ATP2B2: variants seen among roughly 807,000 people sequenced by gnomAD.
The protein encoded by ATP2B2 is plasma membrane calcium-transporting ATPase 2.
In ATP2B2, 15 loss-of-function variants were observed where a neutral mutation model predicts 120.0. The ratio of observed to expected loss-of-function variants is 0.12; its 90% CI spans 0.08 to 0.19. The LOEUF is 0.19. Among genes scored for constraint, ATP2B2 ranks in the 10% least tolerant of loss-of-function variants. The pLI, the probability that ATP2B2 is intolerant of heterozygous loss-of-function variation, is 1.00. For missense variants in ATP2B2, 1,045 were observed against 1,719.8 expected, an observed-to-expected ratio of 0.61 and a Z score of 6.94; for synonymous variants, 694 against 700.3, an observed-to-expected ratio of 0.99 and a Z score of 0.14.
At chr3:10,616,480 C>A (rs942154647) in intron 2 of ATP2B2, among the ~76,000 whole-genome samples, 1 of 152,178 alleles carries the variant, frequency 6.6e-6, no homozygotes, top group Non-Finnish European at 1.5e-5. Context: ...GTCTGTGGCA[C>A]TTTGTTATGG....
At chr3:10,543,481 G>A (rs1446859502) in intron 2 of ATP2B2, among the ~76,000 whole-genome samples, 1 of 152,114 alleles carries the variant, frequency 6.6e-6, no homozygotes, top group Non-Finnish European at 1.5e-5. Context: ...ATGCAGATGT[G>A]AATAGGAATC....
chr3:10,672,347 C>G (rs1176076363), intron 1 of ATP2B2, among the ~76,000 whole-genome samples: 1 of 152,214 alleles, frequency 6.6e-6, no homozygotes, highest in African/African-American at 2.4e-5. Context: ...CCCTTTATTT[C>G]TGTCATCCTG....
intron 5 of ATP2B2, among the ~76,000 whole-genome samples, chr3:10,396,947 T>C (rs150763043): frequency 6.6e-6 from 1 of 152,110 alleles, no homozygotes; most frequent in Non-Finnish European, 1.5e-5. Context: ...ACCCAAGGAA[T>C]GGGGAAGGGA....
rs768204746 is a variant in ATP2B2 at position 10,360,096 on chromosome 3, G to A, written c.1687C>T (p.Arg563Trp). ...LPPEKEGALP[R>W]QVGNKTECGL... ...CACTCCGTCTTGTTGCCCACCTGCC[G>A]AGGCAGGGCGCCCTCCTTCTCTGGG... Residue 563 changes from arginine to tryptophan, a missense_variant, in exon 13 of 23, where the codon CGG (arginine) becomes TGG (tryptophan). This residue lies in a region of ATP2B2 where 343 missense variants were observed against 536.8 expected (regional missense o/e 0.64). Coordinates refer to ENST00000360273, the MANE Select transcript of ATP2B2 (RefSeq NM_001001331.4). 1.9e-5 allele frequency: 31 copies of A among 1,601,440 alleles called. No homozygotes were observed. The highest frequency in any genetic ancestry group is 2.7e-5 in the African/African-American group (2 of 74,724).
chr3:10,699,599 A>G (rs116555790), intron 1 of ATP2B2, among the ~76,000 whole-genome samples: 1,591 of 152,256 alleles, frequency 0.01, 27 homozygotes, highest in African/African-American at 0.036. Flanking sequence ...TAATCATTAT[A>G]TAACATCTCT....
At chr3:10,474,356 T>C (rs2065127377) in intron 1 of ATP2B2, among the ~76,000 whole-genome samples, 1 of 151,936 alleles carries the variant, frequency 6.6e-6, no homozygotes, top group African/African-American at 2.4e-5. Context: ...GATGCATGAG[T>C]TGGGAGCTCA....
rs567140339 is a variant in ATP2B2 at position 10,622,674 on chromosome 3, C to T, written c.-459-2713G>A. Among the ~76,000 whole-genome samples the T allele has an allele frequency of 3.3e-5, 5 of 152,330 alleles. No homozygotes were observed. In the South Asian group the frequency reaches 6.2e-4, roughly 19 times the overall value. Reference sequence around the variant, plus strand: ...AAATTGCAGGTGACCGCACTTCTCACCCTGGATCCTCTTACAGTCAACCAG... The same window carrying T: ...AAATTGCAGGTGACCGCACTTCTCATCCTGGATCCTCTTACAGTCAACCAG... On this transcript the variant is annotated intron_variant, in intron 1 of 21. Transcript: ENST00000646379.
chr3:10,704,809 A>G (rs2125722439), intron 1 of ATP2B2, among the ~76,000 whole-genome samples: 1 of 152,352 alleles, frequency 6.6e-6, no homozygotes. Context: ...CAGTTTTATT[A>G]CTCTGCAACA....
intron 1 of ATP2B2, among the ~76,000 whole-genome samples, chr3:10,689,786 G>C (rs59340228): frequency 6.6e-6 from 1 of 152,326 alleles, no homozygotes; most frequent in African/African-American, 2.4e-5. Flanking sequence ...TGGTGGATGT[G>C]AGTCTCCGAC....
At chr3:10,601,290 G>A (rs897586954) in intron 2 of ATP2B2, among the ~76,000 whole-genome samples, 3 of 152,148 alleles carry the variant, frequency 2.0e-5, no homozygotes, top group Admixed American at 6.5e-5. Context: ...AGTCCAGTTC[G>A]GTCATACCCT....
chr3:10,496,957 T>C (rs1174439327), intron 1 of ATP2B2, among the ~76,000 whole-genome samples: 1 of 152,346 alleles, frequency 6.6e-6, no homozygotes, highest in East Asian at 1.9e-4. Flanking sequence ...TTTTGCTGTC[T>C]CCAGGAGGGA....
intron 1 of ATP2B2, among the ~76,000 whole-genome samples, chr3:10,494,276 T>G (rs747906168): frequency 6.6e-6 from 1 of 152,168 alleles, no homozygotes; most frequent in African/African-American, 2.4e-5. Flanking sequence ...TTCATAGAGA[T>G]TCCCTTGCAT....
Position 10,628,568 on chromosome 3 carries a change from A to C in ATP2B2, c.-459-8607T>G, listed in dbSNP as rs543482261. ...ACGCAGGACATGTAGTAGGGCGTCC[A>C]TGCAATAGTGAAAGTGATGGCATTC... is the stretch of plus-strand genomic sequence containing the variant. On this transcript the variant is annotated intron_variant, in intron 1 of 21. Coordinates refer to the ATP2B2 transcript ENST00000646379. 5.4e-4 allele frequency among the ~76,000 whole-genome samples: 83 copies of C among 152,336 alleles called. 1 individual carries two copies. The highest frequency in any genetic ancestry group is 1.3e-3 in the African/African-American group (56 of 41,576).
chr3:10,400,923 G>A (rs947488604), intron 5 of ATP2B2, 30 bp downstream of exon 5: 1 of 1,613,624 alleles, frequency 6.2e-7, no homozygotes, highest in Non-Finnish European at 8.5e-7. Context: ...ATGGCGACGG[G>A]AATGGGCCCA....
rs1399236160 is a variant in ATP2B2 at position 10,335,003 on chromosome 3, G to A, written c.3420+3173C>T. 2.6e-5 allele frequency among the ~76,000 whole-genome samples: 4 copies of A among 152,346 alleles called. No individual in the cohort carries two copies. In the South Asian group the frequency reaches 8.3e-4, roughly 32 times the overall value. On this transcript the variant is annotated intron_variant, in intron 22 of 22. Coordinates refer to ENST00000360273, the MANE Select transcript of ATP2B2 (RefSeq NM_001001331.4). Reference sequence around the variant, plus strand: ...AGCGCCTGACTGGAAACATAGCAGGGCGATGGGAGGAAAGACAGACTTGTT... The same window carrying A: ...AGCGCCTGACTGGAAACATAGCAGGACGATGGGAGGAAAGACAGACTTGTT...
intron 22 of ATP2B2, chr3:10,336,209 G>T: frequency 6.4e-7 from 1 of 1,550,654 alleles, no homozygotes; most frequent in East Asian, 2.4e-5. Context: ...AGAGAGATTG[G>T]CTACATCCTG....
intron 2 of ATP2B2, among the ~76,000 whole-genome samples, chr3:10,605,640 C>T (rs953817440): frequency 2.4e-5 from 3 of 124,720 alleles, no homozygotes; most frequent in African/African-American, 9.4e-5. Context: ...CACACTGGGA[C>T]CCTATCTTTA....
intron 1 of ATP2B2, among the ~76,000 whole-genome samples, chr3:10,645,091 G>C (rs1056427486): frequency 3.2e-4 from 48 of 152,216 alleles, no homozygotes; most frequent in Non-Finnish European, 7.1e-4. Context: ...ACGTATGTCG[G>C]GGTGGGTGGG....
At position 10,360,028 on chromosome 3, in the gene ATP2B2, C is replaced by T; in HGVS notation, c.1755G>A (p.Glu585=). ...CCTCTGGCATCTGGCTGCGCACGGG[C>T]TCGTAGTCCTGCTTCAGGTCCAGCA... ...GFVLDLKQDY[E]PVRSQMPEEK... is the part of the protein sequence containing the mutation. The change falls in exon 13 of 23, where the codon GAG becomes GAA. Residue 585 remains glutamate, a synonymous_variant. Coordinates refer to ENST00000360273, the MANE Select transcript of ATP2B2 (RefSeq NM_001001331.4). 2 of 1,614,144 alleles carry T rather than the reference C, an allele frequency of 1.2e-6. No homozygotes were observed. Among genetic ancestry groups the T allele is most frequent in the Non-Finnish European group, 1.7e-6 (2 of 1,179,960 alleles).
Sources: gnomAD v4.1 joint callset for allele counts (sites outside exome capture counted in the v4.1 genomes callset) on GRCh38, gnomAD v4.1.1 for gene constraint, gnomAD v4.1.1 regional missense constraint, MANE v1.5 for transcripts, NCBI Gene and HGNC (gene_info 2026-07-23, HGNC 2026-07-21) for gene names.